Variants in SMYD3 observed in about 807,000 individuals in gnomAD.
SMYD3 encodes SET and MYND domain containing 3.
SMYD3 carries 36 observed loss-of-function variants against 57.7 expected under a neutral mutation model. The observed-to-expected ratio is 0.62, with a 90% confidence interval of 0.48 to 0.82. SMYD3 has a LOEUF of 0.82. Ranked by LOEUF, SMYD3 falls within the 40% of genes least tolerant of loss-of-function variation. The pLI, the probability that SMYD3 is intolerant of heterozygous loss-of-function variation, is 0.00. For missense variants in SMYD3, 515 were observed against 538.8 expected (o/e 0.96, Z 0.44); for synonymous variants, 211 against 195.0 (o/e 1.08, Z -0.68).
chr1:246,147,840 G>A (rs944909881), intron 5 of SMYD3, among the ~76,000 whole-genome samples: 1 of 152,088 alleles, frequency 6.6e-6, no homozygotes, highest in African/African-American at 2.4e-5. Flanking sequence ...CTGAGTTGGT[G>A]GAGCGTGAAC....
intron 1 of SMYD3, among the ~76,000 whole-genome samples, chr1:246,463,833 C>CAAAAAAAAA (rs35826530): frequency 5.7e-5 from 4 of 70,472 alleles, no homozygotes; most frequent in African/African-American, 1.2e-4. Flanking sequence ...GACCCCGTCT[C>CAAAAAAAAA]AAAAAAAAAA....
intron 5 of SMYD3, among the ~76,000 whole-genome samples, chr1:246,044,764 T>C (rs540462429): frequency 6.6e-6 from 1 of 152,244 alleles, no homozygotes; most frequent in East Asian, 1.9e-4. Flanking sequence ...TTAAACATGA[T>C]AAGAACCATT....
At chr1:246,119,188 A>T (rs1343263382) in intron 5 of SMYD3, among the ~76,000 whole-genome samples, 3 of 149,588 alleles carry the variant, frequency 2.0e-5, no homozygotes, top group Non-Finnish European at 4.5e-5. Context: ...GCTTGGCTAA[A>T]TTTTTTTTTT....
At chr1:245,956,565 T>C (rs2057850227) in intron 5 of SMYD3, among the ~76,000 whole-genome samples, 1 of 152,194 alleles carries the variant, frequency 6.6e-6, no homozygotes, top group Non-Finnish European at 1.5e-5. Flanking sequence ...CAAACCACTG[T>C]AGTTCACAAG....
rs375031324 is a variant in SMYD3 at position 246,333,798 on chromosome 1, A to G, written c.336+1569T>C. 3.5e-4 allele frequency among the ~76,000 whole-genome samples: 53 copies of G among 152,196 alleles called. No individual in the cohort carries two copies. The South Asian group carries it at 0.011, about 30-fold the overall frequency. On this transcript the variant is annotated intron_variant, in intron 3 of 11. Coordinates refer to ENST00000490107, the MANE Select transcript of SMYD3 (RefSeq NM_001167740.2). ...CTACTCGGGAAGCTGAGGTAGGAGG[A>G]CTGCTTGAGCCCCAGAGGTTGAGGC...
chr1:246,335,396 G>A lies in SMYD3; in HGVS notation c.307C>T (p.Arg103Ter), dbSNP rs772756510. The change falls in exon 3 of 12, where the codon CGA (arginine) becomes TGA (stop). Residue 103 changes from arginine to a stop codon, truncating the protein, a stop_gained. Coordinates refer to ENST00000490107, the MANE Select transcript of SMYD3 (RefSeq NM_001167740.2). LOFTEE classifies it high-confidence loss of function. ...TTGAAGACAACTCTGCCAAGAAGTC[G>A]AACGGAGTCTGGAGGATATCTGGGT... Reference protein sequence around the residue: ...CKPRYPPDSVRLLGRVVFKLM... With the variant: ...CKPRYPPDSV The A allele has an allele frequency of 2.8e-5, 45 of 1,613,926 alleles. No homozygotes were observed. The highest frequency in any genetic ancestry group is 3.5e-5 in the Non-Finnish European group (41 of 1,179,980).
At chr1:245,753,493 C>A (rs2045480449) in intron 11 of SMYD3, among the ~76,000 whole-genome samples, 1 of 152,240 alleles carries the variant, frequency 6.6e-6, no homozygotes, top group Admixed American at 6.5e-5. Flanking sequence ...GCAATTCACA[C>A]CTGGTGATGA....
At chr1:246,407,580 G>A (rs990240103) in intron 1 of SMYD3, among the ~76,000 whole-genome samples, 3 of 152,180 alleles carry the variant, frequency 2.0e-5, no homozygotes, top group Non-Finnish European at 2.9e-5. Flanking sequence ...GGTGGCTCGT[G>A]CCCGTAATCC....
chr1:245,981,023 T>C (rs1262347004), intron 5 of SMYD3, among the ~76,000 whole-genome samples: 1 of 152,212 alleles, frequency 6.6e-6, no homozygotes, highest in Non-Finnish European at 1.5e-5. Context: ...TATCTGACCC[T>C]TTAGAGAGAG....
intron 5 of SMYD3, among the ~76,000 whole-genome samples, chr1:246,122,904 T>A (rs1482368207): frequency 6.6e-6 from 1 of 152,244 alleles, no homozygotes; most frequent in African/African-American, 2.4e-5. Context: ...AGGCCAATTT[T>A]AAATCTATGG....
chr1:245,777,354 C>T (rs986282704), intron 10 of SMYD3, among the ~76,000 whole-genome samples: 7 of 152,130 alleles, frequency 4.6e-5, no homozygotes, highest in African/African-American at 1.4e-4. Context: ...CCAAAGGCAA[C>T]CACTTTAGGG....
At chr1:246,146,307 A>T (rs536981195) in intron 5 of SMYD3, among the ~76,000 whole-genome samples, 21 of 152,354 alleles carry the variant, frequency 1.4e-4, no homozygotes, top group African/African-American at 5.1e-4. Context: ...AGGGATTTCC[A>T]GCAACCCAGG....
At chr1:246,385,914 T>C (rs76425626) in intron 1 of SMYD3, among the ~76,000 whole-genome samples, 2 of 151,880 alleles carry the variant, frequency 1.3e-5, no homozygotes, top group East Asian at 1.9e-4. Context: ...TTTTTTTTTT[T>C]CCGCCACTCT....
chr1:245,872,911 T>C (rs1182192919), intron 8 of SMYD3, among the ~76,000 whole-genome samples: 2 of 152,224 alleles, frequency 1.3e-5, no homozygotes, highest in African/African-American at 4.8e-5. Flanking sequence ...CCAAAGGCCT[T>C]TTCCGGCTAC....
chr1:245,953,910 C>T (rs566760318), intron 5 of SMYD3, among the ~76,000 whole-genome samples: 1 of 152,250 alleles, frequency 6.6e-6, no homozygotes, highest in East Asian at 1.9e-4. Context: ...TACAGAAACA[C>T]AACAGAACTT....
chr1:245,910,846 CTTA>C (rs1193492401), intron 8 of SMYD3, among the ~76,000 whole-genome samples: 1 of 151,982 alleles, frequency 6.6e-6, no homozygotes, highest in Admixed American at 6.6e-5. Context: ...TGGGCAACTA[CTTA>C]TTGAGCAAGA....
intron 5 of SMYD3, among the ~76,000 whole-genome samples, chr1:246,220,316 C>T (rs951637942): frequency 3.3e-5 from 5 of 151,204 alleles, no homozygotes; most frequent in Middle Eastern, 3.4e-3. Flanking sequence ...CCGCCCCACC[C>T]GCCATGCTCT....
chr1:246,391,418 AAAAG>A (rs1379239926), intron 1 of SMYD3, among the ~76,000 whole-genome samples: 2 of 68,930 alleles, frequency 2.9e-5, no homozygotes, highest in African/African-American at 1.4e-4. Flanking sequence ...AAGAGAGAGA[AAAAG>A]AGAGAGAGAG....
intron 5 of SMYD3, among the ~76,000 whole-genome samples, chr1:246,196,994 GA>G (rs966464973): frequency 2.6e-4 from 33 of 128,948 alleles, no homozygotes; most frequent in African/African-American, 5.6e-4. Context: ...AGGTGCTAAA[GA>G]AAAAAAAAAA....
Sources: allele counts gnomAD v4.1 joint callset (sites outside exome capture counted in the v4.1 genomes callset), GRCh38; gene constraint gnomAD v4.1.1; transcripts MANE v1.5; gene names NCBI Gene and HGNC (gene_info 2026-07-23, HGNC 2026-07-21).